Variants in LRRC7 observed in about 807,000 individuals in gnomAD.
LRRC7 encodes leucine rich repeat containing 7, also known as leucine-rich repeat-containing protein 7.
In LRRC7, 23 loss-of-function variants were observed where a neutral mutation model predicts 175.7. The ratio of observed to expected loss-of-function variants is 0.13; its 90% CI spans 0.09 to 0.19. The LOEUF is 0.19. LRRC7 is among the 10% of genes least tolerant of loss of function. The pLI, the probability that LRRC7 is intolerant of heterozygous loss-of-function variation, is 1.00. For synonymous variants in LRRC7, 685 were observed against 680.9 expected, an observed-to-expected ratio of 1.01 and a Z score of -0.09; for missense variants, 1,354 against 1,904.7, an observed-to-expected ratio of 0.71 and a Z score of 5.38.
chr1:69,700,600 C>A (rs1260522751), intron 2 of LRRC7, among the ~76,000 whole-genome samples: 2 of 152,090 alleles, frequency 1.3e-5, no homozygotes, highest in Non-Finnish European at 2.9e-5. Flanking sequence ...TATAGAATAG[C>A]AATGCTAGCC....
chr1:69,986,927 G>A (rs1653984934), intron 10 of LRRC7, among the ~76,000 whole-genome samples: 1 of 152,082 alleles, frequency 6.6e-6, no homozygotes, highest in African/African-American at 2.4e-5. Flanking sequence ...TGTATAAAAA[G>A]CACTCATACA....
chr1:69,659,969 A>T (rs1657218248), intron 1 of LRRC7, among the ~76,000 whole-genome samples: 2 of 152,086 alleles, frequency 1.3e-5, no homozygotes, highest in Non-Finnish European at 2.9e-5. Flanking sequence ...AATTCAAGTT[A>T]TCAGCAAATC....
At chr1:70,073,211 G>T (rs925114630) in intron 23 of LRRC7, among the ~76,000 whole-genome samples, 2 of 152,110 alleles carry the variant, frequency 1.3e-5, no homozygotes, top group African/African-American at 4.8e-5. Context: ...TTGGGTGGTA[G>T]CTATTATTTA....
At chr1:69,776,551 A>G (rs1293686877) in intron 3 of LRRC7, among the ~76,000 whole-genome samples, 4 of 152,224 alleles carry the variant, frequency 2.6e-5, no homozygotes, top group Non-Finnish European at 5.9e-5. Flanking sequence ...TGTTGTTTCT[A>G]TAACGAACCT....
rs1411156309 is a variant in LRRC7, at chr1:70,133,089, T to TA, written c.*11202_*11203insA. Among the ~76,000 whole-genome samples, 1 of 152,142 alleles carries TA rather than the reference T, an allele frequency of 6.6e-6. No individual in the cohort carries two copies. Among genetic ancestry groups the TA allele is most frequent in the Admixed American group, 6.5e-5 (1 of 15,284 alleles). ...TAGTTGTACACATCCGCATACTCTT[T>TA]TAAAGAAACATGTGTCTGCAGTTCA... On this transcript the variant is annotated 3_prime_UTR_variant, in exon 27 of 27. Transcript: ENST00000651989.
At chr1:69,839,034 AT>A in intron 7 of LRRC7, 1 of 304,492 alleles carries the variant, frequency 3.3e-6, no homozygotes, top group Non-Finnish European at 6.6e-6. Flanking sequence ...CTATGTTGCT[AT>A]TATCACCCTT....
At chr1:69,883,204 G>T (rs2101618777) in intron 7 of LRRC7, among the ~76,000 whole-genome samples, 1 of 151,186 alleles carries the variant, frequency 6.6e-6, no homozygotes, top group African/African-American at 2.4e-5. Context: ...CTTCCACAAT[G>T]GTTGAACTAG....
In LRRC7 at chr1:69,967,861, G is replaced by A. The variant is rs577167953; in HGVS notation, c.712-12518G>A. On this transcript the variant is annotated intron_variant, in intron 8 of 26. Transcript: ENST00000651989. ...GCCTACCCAAATGAAAAGGAACCAG[G>A]AAACCAACTCTGGTAATATGGCAAA... Among the ~76,000 whole-genome samples, 9 of 152,114 alleles carry A rather than the reference G, an allele frequency of 5.9e-5. No homozygotes were observed. The South Asian group carries it at 1.5e-3, about 25-fold the overall frequency.
At chr1:70,086,122 TTTATTTATTTAC>T (rs1436631802) in intron 24 of LRRC7, among the ~76,000 whole-genome samples, 1 of 151,924 alleles carries the variant, frequency 6.6e-6, no homozygotes, top group Non-Finnish European at 1.5e-5. Context: ...TATTTATTTA[TTTATTTATTTAC>T]TTATTTATTT....
At chr1:69,970,862 T>C (rs573364700) in intron 8 of LRRC7, among the ~76,000 whole-genome samples, 3 of 152,176 alleles carry the variant, frequency 2.0e-5, no homozygotes, top group African/African-American at 7.2e-5. Context: ...CTGATGAACA[T>C]AGATGCTAAA....
intron 23 of LRRC7, among the ~76,000 whole-genome samples, chr1:70,056,233 C>T (rs1661140489): frequency 6.6e-6 from 1 of 151,866 alleles, no homozygotes; most frequent in East Asian, 1.9e-4. Flanking sequence ...GAAGGATGGC[C>T]CAGAACTCCA....
At chr1:69,569,591 G>T (rs1474859124) in intron 1 of LRRC7, among the ~76,000 whole-genome samples, 7 of 151,942 alleles carry the variant, frequency 4.6e-5, no homozygotes, top group Non-Finnish European at 8.8e-5. Flanking sequence ...GAATGGGGGC[G>T]GGGGTTGGGG....
Position 69,867,573 on chromosome 1 carries a change from A to G in LRRC7, c.647+29290A>G, listed in dbSNP as rs138724509. Among the ~76,000 whole-genome samples the G allele has an allele frequency of 2.7e-3, 417 of 152,276 alleles. 2 individuals are homozygous for G. Among genetic ancestry groups the G allele is most frequent in the African/African-American group, 9.5e-3 (393 of 41,560 alleles). On this transcript the variant is annotated intron_variant, in intron 7 of 26. Coordinates refer to ENST00000651989, the MANE Select transcript of LRRC7 (RefSeq NM_001370785.2). ...GGTGGAATTGAGGAGTTTAAAGACA[A>G]AAGGATGGGTTTAGAGACCATTTCA... is the stretch of plus-strand genomic sequence containing the variant.
At chr1:69,907,244 C>G (rs573840796) in intron 7 of LRRC7, among the ~76,000 whole-genome samples, 15 of 152,248 alleles carry the variant, frequency 9.9e-5, no homozygotes, top group African/African-American at 2.4e-4. Context: ...TAATCGAATA[C>G]CCTTTATTTC....
intron 7 of LRRC7, among the ~76,000 whole-genome samples, chr1:69,926,785 T>C (rs1386983519): frequency 6.6e-6 from 1 of 152,188 alleles, no homozygotes; most frequent in Non-Finnish European, 1.5e-5. Context: ...TGTCTTTTAA[T>C]TGGAGCATTT....
chr1:69,994,877 G>A lies in LRRC7; in HGVS notation c.1004+244G>A, dbSNP rs76065426. On this transcript the variant is annotated intron_variant, in intron 11 of 26. Transcript: ENST00000651989. ...ATGTTTACCCATGAATCTTTCACAA[G>A]GAAAATGATTACCCAGACCTTCAAT... Among the ~76,000 whole-genome samples, 3 of 151,580 alleles carry A rather than the reference G, an allele frequency of 2.0e-5. No individual in the cohort carries two copies. In the East Asian group the frequency reaches 5.8e-4, roughly 29 times the overall value.
At chr1:69,913,835 A>G (rs1264785475) in intron 7 of LRRC7, among the ~76,000 whole-genome samples, 2 of 152,208 alleles carry the variant, frequency 1.3e-5, no homozygotes, top group Non-Finnish European at 2.9e-5. Flanking sequence ...TTTAAAGAAT[A>G]TAAAATCCTG....
intron 1 of LRRC7, among the ~76,000 whole-genome samples, chr1:69,633,329 G>A (rs1343568363): frequency 6.6e-6 from 1 of 151,840 alleles, no homozygotes; most frequent in Non-Finnish European, 1.5e-5. Flanking sequence ...AATGATTATG[G>A]AATAACTTTA....
intron 7 of LRRC7, among the ~76,000 whole-genome samples, chr1:69,882,455 G>T (rs544748019): frequency 1.3e-5 from 2 of 152,072 alleles, no homozygotes; most frequent in Admixed American, 6.6e-5. Context: ...TGGAAACAAC[G>T]TAAATGCCTA....
Sources: gnomAD v4.1 joint callset for allele counts (sites outside exome capture counted in the v4.1 genomes callset) on GRCh38, gnomAD v4.1.1 for gene constraint, MANE v1.5 for transcripts, NCBI Gene and HGNC (gene_info 2026-07-23, HGNC 2026-07-21) for gene names.